The following DPP10 variants were observed in gnomAD, a reference collection of about 807,000 sequenced individuals.
The protein encoded by DPP10 is inactive dipeptidyl peptidase 10.
In DPP10, 33 loss-of-function variants were observed where a neutral mutation model predicts 120.9. That is an observed-to-expected ratio of 0.27 (90% CI 0.21 to 0.37). DPP10 has a LOEUF of 0.37. Among genes scored for constraint, DPP10 ranks in the 10% least tolerant of loss-of-function variants. The pLI, the probability that DPP10 is intolerant of heterozygous loss-of-function variation, is 1.00. For missense variants in DPP10, 816 were observed against 942.8 expected (o/e 0.87, Z 1.76); for synonymous variants, 337 against 326.1 (o/e 1.03, Z -0.36).
At position 115,657,770 on chromosome 2, in the gene DPP10, C is replaced by T. The variant is rs1464708389; in HGVS notation, c.442-31917C>T. On this transcript the variant is annotated intron_variant, in intron 5 of 25. Coordinates refer to ENST00000410059, the MANE Select transcript of DPP10 (RefSeq NM_020868.6). ...GATATATTTTAATTTGTATTACATG[C>T]TATCTGCTTATGTTCTTCACATGTT... Among the ~76,000 whole-genome samples, 3 of 151,878 alleles carry T rather than the reference C, an allele frequency of 2.0e-5. No homozygotes were observed. The East Asian group carries it at 5.8e-4, about 29-fold the overall frequency.
chr2:114,557,062 A>C lies in DPP10; in HGVS notation c.60+114224A>C, dbSNP rs572153583. ...AGTAGAGAAAAGTGCTATTTGTTGG[A>C]TCTCTAGTTGGAGTCAAGAGTTAAA... On this transcript the variant is annotated intron_variant, in intron 1 of 25. Transcript: ENST00000410059. Among the ~76,000 whole-genome samples, 17 of 148,828 alleles carry C rather than the reference A, an allele frequency of 1.1e-4. No individual in the cohort carries two copies. In the South Asian group the frequency reaches 3.6e-3, roughly 32 times the overall value.
At chr2:115,167,432 TAAAAA>T (rs908379980) in intron 1 of DPP10, among the ~76,000 whole-genome samples, 10 of 150,014 alleles carry the variant, frequency 6.7e-5, no homozygotes, top group South Asian at 2.1e-4. Context: ...AAAAAGAAAA[TAAAAA>T]GAAAAGAAAG....
intron 5 of DPP10, among the ~76,000 whole-genome samples, chr2:115,685,439 A>G (rs577880346): frequency 4.6e-5 from 7 of 152,106 alleles, no homozygotes; most frequent in Middle Eastern, 3.4e-3. Context: ...TTCCATACCA[A>G]TGTAATGTTT....
intron 1 of DPP10, among the ~76,000 whole-genome samples, chr2:115,262,938 A>C (rs1339717832): frequency 6.6e-6 from 1 of 152,164 alleles, no homozygotes; most frequent in Non-Finnish European, 1.5e-5. Context: ...CAGTGGAAGA[A>C]GCATAAGCAT....
intron 19 of DPP10, among the ~76,000 whole-genome samples, chr2:115,805,375 T>C (rs1250522146): frequency 6.6e-6 from 1 of 151,912 alleles, no homozygotes; most frequent in African/African-American, 2.4e-5. Flanking sequence ...CCCCTTGCGC[T>C]TCCCGGGTGA....
intron 1 of DPP10, among the ~76,000 whole-genome samples, chr2:115,187,205 T>G (rs1272259202): frequency 6.7e-6 from 1 of 149,386 alleles, no homozygotes; most frequent in African/African-American, 2.5e-5. Context: ...CCCGGCTAAT[T>G]TTTTGTATTT....
chr2:115,410,006 C>A, intron 3 of DPP10, among the ~76,000 whole-genome samples: 1 of 152,152 alleles, frequency 6.6e-6, no homozygotes. Flanking sequence ...TTGGGTTTTA[C>A]ATTTAAGTCT....
chr2:114,460,176 T>TCTA (rs1491142896), intron 1 of DPP10, among the ~76,000 whole-genome samples: 10 of 21,408 alleles, frequency 4.7e-4, no homozygotes, highest in African/African-American at 1.1e-3. Context: ...ATGATATCTA[T>TCTA]CTATCTATCT....
chr2:114,756,305 C>A (rs1394161009), intron 1 of DPP10, among the ~76,000 whole-genome samples: 1 of 152,176 alleles, frequency 6.6e-6, no homozygotes, highest in Non-Finnish European at 1.5e-5. Context: ...GGGTGTCTAG[C>A]TTTCCCTGGG....
At chr2:115,280,949 T>G (rs1401085385) in intron 1 of DPP10, among the ~76,000 whole-genome samples, 1 of 152,192 alleles carries the variant, frequency 6.6e-6, no homozygotes, top group Non-Finnish European at 1.5e-5. Flanking sequence ...GCTTTCCACT[T>G]AAAAAGTGAA....
rs1491122401 is a variant in DPP10 at position 114,518,068 on chromosome 2, CAT to C, written c.60+75231_60+75232del. Among the ~76,000 whole-genome samples the C allele has an allele frequency of 7.4e-5, 7 of 95,008 alleles. No homozygotes were observed. The East Asian group carries it at 2.3e-3, about 31-fold the overall frequency. The allele number at this position is 95,008 out of a possible 152,430, so 62.3% of individuals were successfully genotyped here. A position where few individuals can be genotyped will look rare whatever the true frequency, so the allele number is the denominator to read the frequency against. ...ACAATCAGGACTAGTATGAGCTATT[CAT>C]TTTTTTTTTTTTTTTTTTTTTTTTT... On this transcript the variant is annotated intron_variant, in intron 1 of 25. Transcript: ENST00000410059.
chr2:115,376,582 G>A (rs1299932568), intron 3 of DPP10, among the ~76,000 whole-genome samples: 1 of 150,282 alleles, frequency 6.7e-6, no homozygotes, highest in East Asian at 2.0e-4. Context: ...TTAAGTTTTA[G>A]GGTACATGTG....
intron 1 of DPP10, among the ~76,000 whole-genome samples, chr2:115,271,419 C>G (rs2059693632): frequency 6.6e-6 from 1 of 152,126 alleles, no homozygotes; most frequent in Non-Finnish European, 1.5e-5. Context: ...AGGGATCATG[C>G]TGAAAACTGA....
chr2:115,522,463 G>T (rs1224124888), intron 4 of DPP10, among the ~76,000 whole-genome samples: 1 of 152,196 alleles, frequency 6.6e-6, no homozygotes, highest in Non-Finnish European at 1.5e-5. Flanking sequence ...AGATTCGCTT[G>T]AATGGAATGA....
chr2:114,476,781 C>G (rs1680409002), intron 1 of DPP10, among the ~76,000 whole-genome samples: 1 of 152,080 alleles, frequency 6.6e-6, no homozygotes, highest in South Asian at 2.1e-4. Flanking sequence ...AATTACCAAA[C>G]TCAGTGAAAT....
chr2:115,228,253 A>G (rs996016762), intron 1 of DPP10, among the ~76,000 whole-genome samples: 2 of 151,962 alleles, frequency 1.3e-5, no homozygotes, highest in African/African-American at 4.8e-5. Flanking sequence ...GGCCCTATAC[A>G]TGGGGTACAG....
chr2:115,502,492 T>A (rs775382318), intron 4 of DPP10, among the ~76,000 whole-genome samples: 4 of 152,162 alleles, frequency 2.6e-5, no homozygotes, highest in Non-Finnish European at 4.4e-5. Context: ...TCAGTCACAA[T>A]GTCATAATGA....
chr2:115,450,203 A>G (rs903246050), intron 3 of DPP10, among the ~76,000 whole-genome samples: 1 of 152,040 alleles, frequency 6.6e-6, no homozygotes, highest in African/African-American at 2.4e-5. Context: ...GAGTACTTAC[A>G]TTAGACTGTA....
chr2:114,961,757 C>T (rs937498262), intron 1 of DPP10, among the ~76,000 whole-genome samples: 1 of 152,048 alleles, frequency 6.6e-6, no homozygotes, highest in Non-Finnish European at 1.5e-5. Context: ...AGTTCGAGAC[C>T]AGTCTGGCCA....
Sources: allele counts gnomAD v4.1 joint callset (sites outside exome capture counted in the v4.1 genomes callset), GRCh38; gene constraint gnomAD v4.1.1; transcripts MANE v1.5; gene names NCBI Gene and HGNC (gene_info 2026-07-23, HGNC 2026-07-21).